ULK4: variants seen among roughly 807,000 people sequenced by gnomAD.
ULK4 encodes inactive serine/threonine-protein kinase ULK4.
A neutral mutation model predicts 160.6 loss-of-function variants in ULK4; 133 were observed. That is an observed-to-expected ratio of 0.83 (90% CI 0.72 to 0.96). The LOEUF (loss-of-function observed/expected upper bound fraction) is 0.96, where lower values mean the gene tolerates loss of function less well. Ranked by LOEUF, ULK4 falls within the 40% of genes least tolerant of loss-of-function variation. ULK4 has a pLI of 0.00. For synonymous variants in ULK4, 534 were observed against 539.8 expected (o/e 0.99, Z 0.15); for missense variants, 1,580 against 1,499.5 (o/e 1.05, Z -0.89).
intron 25 of ULK4, among the ~76,000 whole-genome samples, chr3:41,706,375 AAT>A (rs1553637318): frequency 2.8e-4 from 40 of 143,196 alleles, no homozygotes; most frequent in African/African-American, 9.5e-4. Context: ...ATATATATTT[AAT>A]ATATATATTT....
chr3:41,521,400 ACAT>A (rs1015445089), intron 32 of ULK4, among the ~76,000 whole-genome samples: 4 of 152,220 alleles, frequency 2.6e-5, no homozygotes, highest in African/African-American at 9.6e-5. Flanking sequence ...CAAAAACACA[ACAT>A]CATCATTTTG....
At chr3:41,570,817 G>T (rs1377546924) in intron 31 of ULK4, among the ~76,000 whole-genome samples, 1 of 152,034 alleles carries the variant, frequency 6.6e-6, no homozygotes, top group Non-Finnish European at 1.5e-5. Flanking sequence ...CAGCCAATCA[G>T]GTCCCGGGAC....
At chr3:41,410,149 C>T (rs6785204) in intron 34 of ULK4, among the ~76,000 whole-genome samples, 32,801 of 151,862 alleles carry the variant, frequency 0.22, 3,964 homozygotes, top group African/African-American at 0.32. Flanking sequence ...AAGTTAGACA[C>T]AGATTTACTA....
chr3:41,430,799 G>C (rs1181190305), intron 34 of ULK4, among the ~76,000 whole-genome samples: 2 of 151,604 alleles, frequency 1.3e-5, no homozygotes, highest in African/African-American at 4.8e-5. Flanking sequence ...ACAGTTATGG[G>C]TAAATATCCA....
intron 32 of ULK4, among the ~76,000 whole-genome samples, chr3:41,511,457 A>G (rs146184858): frequency 2.0e-5 from 3 of 152,306 alleles, no homozygotes; most frequent in African/African-American, 7.2e-5. Flanking sequence ...AATGGGATAT[A>G]TTACTACTGA....
intron 32 of ULK4, among the ~76,000 whole-genome samples, chr3:41,498,513 G>T (rs2085070758): frequency 6.6e-6 from 1 of 150,996 alleles, no homozygotes; most frequent in Non-Finnish European, 1.5e-5. Context: ...AATTAATAAA[G>T]CTAAGAACAG....
intron 2 of ULK4, among the ~76,000 whole-genome samples, chr3:41,949,951 G>T (rs1700234301): frequency 1.3e-5 from 2 of 151,420 alleles, no homozygotes; most frequent in Non-Finnish European, 2.9e-5. Flanking sequence ...GCCCAGGCTG[G>T]TCCTGAACTT....
chr3:41,761,742 T>G (rs1015315193), intron 21 of ULK4, among the ~76,000 whole-genome samples: 4 of 152,224 alleles, frequency 2.6e-5, no homozygotes, highest in Middle Eastern at 3.4e-3. Flanking sequence ...ATTAAAATAC[T>G]CCACAAAGTA....
chr3:41,596,829 G>A (rs1056435116), intron 31 of ULK4, among the ~76,000 whole-genome samples: 2 of 152,084 alleles, frequency 1.3e-5, no homozygotes, highest in Non-Finnish European at 2.9e-5. Context: ...CAAGAAAGAT[G>A]GCAGACATCA....
intron 35 of ULK4, among the ~76,000 whole-genome samples, chr3:41,289,239 C>T (rs1300963203): frequency 1.3e-5 from 2 of 152,092 alleles, no homozygotes; most frequent in African/African-American, 4.8e-5. Flanking sequence ...AATAACATAC[C>T]ATCATGTGAG....
intron 4 of ULK4, among the ~76,000 whole-genome samples, chr3:41,934,003 A>G (rs991750661): frequency 6.6e-6 from 1 of 152,184 alleles, no homozygotes; most frequent in Non-Finnish European, 1.5e-5. Context: ...ACACCACTGC[A>G]CTCCAGCCTG....
At chr3:41,886,050 T>C (rs1697709274) in intron 16 of ULK4, among the ~76,000 whole-genome samples, 1 of 152,164 alleles carries the variant, frequency 6.6e-6, no homozygotes, top group Admixed American at 6.5e-5. Flanking sequence ...ATTACTCATC[T>C]TTCACGTGCC....
At chr3:41,840,590 G>A (rs1287318489) in intron 17 of ULK4, among the ~76,000 whole-genome samples, 1 of 152,240 alleles carries the variant, frequency 6.6e-6, no homozygotes, top group East Asian at 1.9e-4. Flanking sequence ...TGACCAGGCT[G>A]GTCTCCGGCT....
intron 12 of ULK4, among the ~76,000 whole-genome samples, chr3:41,906,369 T>C (rs1698561789): frequency 1.3e-5 from 2 of 152,022 alleles, no homozygotes; most frequent in South Asian, 4.1e-4. Flanking sequence ...TACAAACAAT[T>C]TTTTGTAAAC....
At chr3:41,631,235 G>A (rs2033729692) in intron 30 of ULK4, among the ~76,000 whole-genome samples, 1 of 152,180 alleles carries the variant, frequency 6.6e-6, no homozygotes, top group Non-Finnish European at 1.5e-5. Context: ...ACAAAAAAAG[G>A]AGGGCAGGGT....
intron 2 of ULK4, among the ~76,000 whole-genome samples, chr3:41,951,983 C>G (rs1700308449): frequency 6.6e-6 from 1 of 152,174 alleles, no homozygotes. Flanking sequence ...TATAAGCTAT[C>G]CAGTCTAAGG....
intron 35 of ULK4, among the ~76,000 whole-genome samples, chr3:41,260,568 T>C (rs1449272721): frequency 2.0e-5 from 3 of 152,206 alleles, no homozygotes; most frequent in Non-Finnish European, 4.4e-5. Context: ...TGAGGCCCTG[T>C]CCATGATTAG....
chr3:41,398,065 C>A lies in ULK4; in HGVS notation c.3678+14G>T. The A allele has an allele frequency of 6.2e-7, 1 of 1,609,028 alleles. No homozygotes were observed. Among genetic ancestry groups the A allele is most frequent in the Non-Finnish European group, 8.5e-7 (1 of 1,177,536 alleles). On this transcript the variant is annotated intron_variant, in intron 35 of 36. Transcript: ENST00000301831. Reference sequence around the variant, plus strand: ...AAGCCACCCACAGTGTCCCCGGTTTCTGTGTGAACTCACCATTCTTCTGAG... The same window carrying A: ...AAGCCACCCACAGTGTCCCCGGTTTATGTGTGAACTCACCATTCTTCTGAG...
chr3:41,579,480 CTAATATTT>C (rs2030058228), intron 31 of ULK4, among the ~76,000 whole-genome samples: 1 of 132,784 alleles, frequency 7.5e-6, no homozygotes, highest in Non-Finnish European at 1.5e-5. Context: ...CAATCTGGAA[CTAATATTT>C]TTTTTTTTTT....
Sources: gnomAD v4.1 joint callset for allele counts (sites outside exome capture counted in the v4.1 genomes callset) on GRCh38, gnomAD v4.1.1 for gene constraint, MANE v1.5 for transcripts, NCBI Gene and HGNC (gene_info 2026-07-23, HGNC 2026-07-21) for gene names.